ECM2: variants seen among roughly 807,000 people sequenced by gnomAD.
The protein encoded by ECM2 is extracellular matrix protein 2, also known as extracellular matrix protein 2, female organ and adipocyte specific.
Under a neutral mutation model 67.5 loss-of-function variants are expected in ECM2, and 57 were observed. That is an observed-to-expected ratio of 0.84 (90% CI 0.68 to 1.05). ECM2 has a LOEUF of 1.05. Ranked by LOEUF, ECM2 falls within the 50% of genes least tolerant of loss-of-function variation. The pLI is 0.00. For missense variants in ECM2, 741 were observed against 822.8 expected (o/e 0.90, Z 1.22); for synonymous variants, 258 against 294.5 (o/e 0.88, Z 1.27).
At chr9:92,519,613 C>G (rs1847937634) in intron 2 of ECM2, among the ~76,000 whole-genome samples, 1 of 152,190 alleles carries the variant, frequency 6.6e-6, no homozygotes, top group Non-Finnish European at 1.5e-5. Flanking sequence ...GAGAATGAAG[C>G]TGAATCCCTA....
Position 92,515,214 on chromosome 9 carries a change from C to T in ECM2, c.482-11G>A, listed in dbSNP as rs370125693. Reference sequence around the variant, plus strand: ...GTAGAGAATAGGAGACTAATGACCACGCAAGGATGAGGTAGCAGAGATAAG... The same window carrying T: ...GTAGAGAATAGGAGACTAATGACCATGCAAGGATGAGGTAGCAGAGATAAG... On this transcript the variant is annotated splice_polypyrimidine_tract_variant and intron_variant, in intron 3 of 9. Transcript: ENST00000344604. 2.3e-4 allele frequency: 360 copies of T among 1,535,376 alleles called. No homozygotes were observed. The highest frequency in any genetic ancestry group is 2.8e-4 in the Non-Finnish European group (320 of 1,144,992).
At chr9:92,533,045 T>C (rs1189890452) in intron 1 of ECM2, among the ~76,000 whole-genome samples, 1 of 151,844 alleles carries the variant, frequency 6.6e-6, no homozygotes, top group African/African-American at 2.4e-5. Flanking sequence ...AAGTCTGTAA[T>C]GACAGCACTT....
chr9:92,496,176 C>T lies in ECM2; in HGVS notation c.*139G>A. The stretch of plus-strand genomic sequence containing the variant: ...TTTTAGGTATATTTTGGTTGTTCAT[C>T]TGTGTGTTAGTGAATCAGGTTGACT... On this transcript the variant is annotated 3_prime_UTR_variant, in exon 10 of 10. Transcript: ENST00000344604. 1 of 1,374,388 alleles carries T rather than the reference C, an allele frequency of 7.3e-7. No homozygotes were observed. The highest frequency in any genetic ancestry group is 9.3e-7 in the Non-Finnish European group (1 of 1,069,986). The allele number at this position is 1,374,388 out of a possible 1,614,324, so 85.1% of individuals were successfully genotyped here. A position where few individuals can be genotyped will look rare whatever the true frequency, so the allele number is the denominator to read the frequency against.
intron 3 of ECM2, among the ~76,000 whole-genome samples, chr9:92,516,349 T>C (rs1847721171): frequency 6.6e-6 from 1 of 152,120 alleles, no homozygotes; most frequent in Non-Finnish European, 1.5e-5. Context: ...AGGTGTGAGC[T>C]ACCGTGCCCA....
the ECM2 span, among the ~76,000 whole-genome samples, chr9:92,551,955 T>TG: frequency 1.7e-5 from 2 of 119,748 alleles, no homozygotes; most frequent in East Asian, 2.1e-4. Flanking sequence ...ATATATATGA[T>TG]ATATATATGT....
upstream of ECM2, among the ~76,000 whole-genome samples, chr9:92,536,861 T>C (rs1242961472): frequency 9.1e-6 from 1 of 109,918 alleles, no homozygotes; most frequent in Non-Finnish European, 1.9e-5. Flanking sequence ...TTTAGAACTA[T>C]TTTTTAAATT....
intron 9 of ECM2, among the ~76,000 whole-genome samples, chr9:92,498,914 CT>C (rs1435448123): frequency 6.6e-6 from 1 of 152,184 alleles, no homozygotes; most frequent in Non-Finnish European, 1.5e-5. Context: ...TCTGAACTTA[CT>C]TTCTTTTCAA....
At chr9:92,511,547 GA>G (rs1182824866) in intron 5 of ECM2, among the ~76,000 whole-genome samples, 2 of 151,044 alleles carry the variant, frequency 1.3e-5, no homozygotes, top group Non-Finnish European at 2.9e-5. Context: ...ATTTTTATAT[GA>G]GCCTATTTGT....
chr9:92,554,474 C>T, the ECM2 span, among the ~76,000 whole-genome samples: 3 of 152,192 alleles, frequency 2.0e-5, no homozygotes, highest in South Asian at 2.1e-4. Context: ...TGAGCCACTG[C>T]GCCCTGCTTT....
the ECM2 span, among the ~76,000 whole-genome samples, chr9:92,546,127 A>T: frequency 6.6e-6 from 1 of 152,240 alleles, no homozygotes; most frequent in South Asian, 2.1e-4. Flanking sequence ...TGTCTAGCTA[A>T]TCTAGTGGGG....
At chr9:92,523,651 C>T (rs761078835) in intron 1 of ECM2, among the ~76,000 whole-genome samples, 2 of 152,220 alleles carry the variant, frequency 1.3e-5, no homozygotes, top group Non-Finnish European at 2.9e-5. Flanking sequence ...TAATCTATAG[C>T]AGTAGCGGTT....
At chr9:92,553,394 T>C in the ECM2 span, among the ~76,000 whole-genome samples, 5 of 152,312 alleles carry the variant, frequency 3.3e-5, no homozygotes, top group Non-Finnish European at 4.4e-5. Context: ...TGCGGGCTCT[T>C]TTTTGGTTAC....
chr9:92,521,923 A>G (rs1031604125), intron 2 of ECM2, among the ~76,000 whole-genome samples: 2 of 152,246 alleles, frequency 1.3e-5, no homozygotes, highest in Non-Finnish European at 2.9e-5. Context: ...TAGGATTACA[A>G]CTATTTAAAA....
At chr9:92,551,847 G>A in the ECM2 span, among the ~76,000 whole-genome samples, 1 of 148,680 alleles carries the variant, frequency 6.7e-6, no homozygotes, top group Admixed American at 6.7e-5. Flanking sequence ...CATGGTGTGT[G>A]TATATATATA....
chr9:92,509,519 T>C (rs963675063), intron 6 of ECM2, among the ~76,000 whole-genome samples: 2 of 152,190 alleles, frequency 1.3e-5, no homozygotes, highest in Non-Finnish European at 2.9e-5. Context: ...TCAACAAACA[T>C]GGCACTGGTT....
At chr9:92,536,741 A>G (rs200081334), upstream of ECM2, 1 of 152,204 alleles carries the variant, frequency 6.6e-6, no homozygotes, top group South Asian at 2.1e-4. Context: ...GTTTCTGACC[A>G]AAGTTCACTC....
upstream of ECM2, among the ~76,000 whole-genome samples, chr9:92,538,471 G>T (rs1849241472): frequency 6.6e-6 from 1 of 152,206 alleles, no homozygotes; most frequent in Non-Finnish European, 1.5e-5. Flanking sequence ...TGTATAATCA[G>T]ATAAGAATAA....
At chr9:92,544,620 A>G in the ECM2 span, among the ~76,000 whole-genome samples, 12 of 152,084 alleles carry the variant, frequency 7.9e-5, no homozygotes, top group African/African-American at 2.7e-4. Flanking sequence ...AAAAAACAAA[A>G]CTAGTAAAAG....
chr9:92,522,628 A>T lies in ECM2; in HGVS notation c.239T>A (p.Phe80Tyr). The change falls in exon 2 of 10, where the codon TTT becomes TAT. Residue 80 changes from phenylalanine (F) to tyrosine (Y), a missense_variant. Coordinates refer to ENST00000344604, the MANE Select transcript of ECM2 (RefSeq NM_001393.4). ...VNFDYSMEEK[F>Y]ESFSSFPGVE... ...TCCAGGAAAACTTGAAAAGGATTCA[A>T]ACTTTTCCTCCATGCTATAATCAAA... is the stretch of plus-strand genomic sequence containing the variant. 1.2e-6 allele frequency: 2 copies of T among 1,613,950 alleles called. No homozygotes were observed. Among genetic ancestry groups the T allele is most frequent in the South Asian group, 1.1e-5 (1 of 91,044 alleles).
Sources: gnomAD v4.1 joint callset for allele counts (sites outside exome capture counted in the v4.1 genomes callset) on GRCh38, gnomAD v4.1.1 for gene constraint, MANE v1.5 for transcripts, NCBI Gene and HGNC (gene_info 2026-07-23, HGNC 2026-07-21) for gene names.